Variants in GMDS observed in about 807,000 individuals in gnomAD.
The protein encoded by GMDS is GDP-mannose 4,6 dehydratase.
Under a neutral mutation model 49.9 loss-of-function variants are expected in GMDS, and 20 were observed. That is an observed-to-expected ratio of 0.40 (90% CI 0.28 to 0.58). GMDS has a LOEUF of 0.58. Among genes scored for constraint, GMDS ranks in the 20% least tolerant of loss-of-function variants. The pLI is 0.42. For missense variants in GMDS, 362 were observed against 481.4 expected, an observed-to-expected ratio of 0.75 and a Z score of 2.32; for synonymous variants, 177 against 178.6, an observed-to-expected ratio of 0.99 and a Z score of 0.07.
chr6:1,859,486 A>G (rs773872368), intron 7 of GMDS, among the ~76,000 whole-genome samples: 27 of 152,348 alleles, frequency 1.8e-4, no homozygotes, highest in Middle Eastern at 6.8e-3. Context: ...GTGCAATGAA[A>G]TGAATCCAAT....
chr6:2,209,855 G>A (rs968565270), intron 1 of GMDS, among the ~76,000 whole-genome samples: 2 of 151,986 alleles, frequency 1.3e-5, no homozygotes, highest in South Asian at 2.1e-4. Context: ...TAAACCAAGA[G>A]GCTAACAGAG....
chr6:2,189,397 AG>A (rs940683407), intron 1 of GMDS, among the ~76,000 whole-genome samples: 1 of 152,198 alleles, frequency 6.6e-6, no homozygotes, highest in Admixed American at 6.5e-5. Flanking sequence ...CTGGAGATGC[AG>A]GAGAATCTTA....
intron 1 of GMDS, among the ~76,000 whole-genome samples, chr6:2,137,520 G>T (rs1387395873): frequency 6.6e-6 from 1 of 152,018 alleles, no homozygotes; most frequent in Non-Finnish European, 1.5e-5. Flanking sequence ...TTTTAGTAGA[G>T]ACAGGGTTTC....
intron 1 of GMDS, among the ~76,000 whole-genome samples, chr6:2,155,323 T>C (rs1431934281): frequency 6.6e-6 from 1 of 152,132 alleles, no homozygotes; most frequent in African/African-American, 2.4e-5. Context: ...AAAAAGACTA[T>C]GATTTTTCCC....
chr6:2,065,364 G>A (rs372866278), intron 4 of GMDS, among the ~76,000 whole-genome samples: 15 of 152,180 alleles, frequency 9.9e-5, no homozygotes, highest in East Asian at 5.8e-4. Context: ...AAAGCAGAGC[G>A]CCTCTCCTCC....
At chr6:2,123,109 G>A (rs534303405) in intron 2 of GMDS, among the ~76,000 whole-genome samples, 1 of 152,162 alleles carries the variant, frequency 6.6e-6, no homozygotes, top group Non-Finnish European at 1.5e-5. Flanking sequence ...CCTAAATGGA[G>A]ATCTGCTTCT....
chr6:1,769,709 ATT>A (rs61503342), intron 7 of GMDS, among the ~76,000 whole-genome samples: 5 of 149,262 alleles, frequency 3.3e-5, no homozygotes, highest in Non-Finnish European at 4.5e-5. Context: ...TTTATTTTTT[ATT>A]TTTTTTTTTG....
chr6:1,912,010 G>A (rs1226305022), intron 7 of GMDS, among the ~76,000 whole-genome samples: 3 of 152,012 alleles, frequency 2.0e-5, no homozygotes. Flanking sequence ...TTCAAACTAA[G>A]GAGAAGAATA....
At chr6:1,773,896 T>C (rs1437556349) in intron 7 of GMDS, among the ~76,000 whole-genome samples, 1 of 152,228 alleles carries the variant, frequency 6.6e-6, no homozygotes, top group East Asian at 1.9e-4. Context: ...ACTTCAAACA[T>C]TTACTATTGG....
At chr6:1,785,062 G>A (rs944712155) in intron 7 of GMDS, among the ~76,000 whole-genome samples, 4 of 152,138 alleles carry the variant, frequency 2.6e-5, no homozygotes, top group African/African-American at 9.7e-5. Context: ...TAGTCTAACA[G>A]GGCAAGAATC....
chr6:1,753,316 G>A (rs1171833623), intron 7 of GMDS, among the ~76,000 whole-genome samples: 1 of 152,172 alleles, frequency 6.6e-6, no homozygotes, highest in Non-Finnish European at 1.5e-5. Flanking sequence ...TAATGGTAAA[G>A]GGATCAATGC....
intron 7 of GMDS, among the ~76,000 whole-genome samples, chr6:1,898,274 C>A (rs1180963401): frequency 6.6e-6 from 1 of 152,236 alleles, no homozygotes; most frequent in Non-Finnish European, 1.5e-5. Context: ...ATAAAACTTA[C>A]TAAATTTTGC....
chr6:1,697,936 C>A (rs1366677113), intron 9 of GMDS, among the ~76,000 whole-genome samples: 2 of 152,190 alleles, frequency 1.3e-5, no homozygotes, highest in Admixed American at 1.3e-4. Flanking sequence ...AGTATGGCTG[C>A]GGACGATCAA....
chr6:1,960,762 G>C lies in GMDS; in HGVS notation c.538+12C>G, dbSNP rs777120989. 7 of 1,542,488 alleles carry C rather than the reference G, an allele frequency of 4.5e-6. No homozygotes were observed. Among genetic ancestry groups the C allele is most frequent in the Non-Finnish European group, 6.2e-6 (7 of 1,124,874 alleles). ...GCCACACATGTGCTCCGGTGTGCACGCATGTTCTCACCATAGGGTGACCGG... is the reference window on the plus strand; with the variant it reads ...GCCACACATGTGCTCCGGTGTGCACCCATGTTCTCACCATAGGGTGACCGG... On this transcript the variant is annotated intron_variant, in intron 5 of 10. Transcript: ENST00000380815.
chr6:1,749,306 G>A (rs950529600), intron 7 of GMDS, among the ~76,000 whole-genome samples: 1 of 152,190 alleles, frequency 6.6e-6, no homozygotes, highest in African/African-American at 2.4e-5. Context: ...ATTGGCTTCT[G>A]GCTGGTTGTA....
intron 4 of GMDS, among the ~76,000 whole-genome samples, chr6:1,980,310 A>G (rs1765148751): frequency 6.6e-6 from 1 of 152,236 alleles, no homozygotes; most frequent in African/African-American, 2.4e-5. Context: ...TCTCACATGC[A>G]AGGACACACA....
Position 2,245,474 on chromosome 6 carries a change from G to C in GMDS, c.-52C>G. The stretch of plus-strand genomic sequence containing the variant: ...GCAGGGCGGAGCGCGGCAGAGGGCA[G>C]GCGCGGTGCCGGCAGGAACGCGGGG... On this transcript the variant is annotated 5_prime_UTR_variant, in exon 1 of 11. Transcript: ENST00000380815. 1.8e-6 allele frequency: 2 copies of C among 1,082,236 alleles called. No homozygotes were observed. 67.0% of individuals were successfully genotyped at this position (1,082,236 alleles called of 1,614,324 possible).
intron 4 of GMDS, among the ~76,000 whole-genome samples, chr6:2,070,198 C>CAT (rs1451450612): frequency 2.7e-5 from 4 of 147,432 alleles, no homozygotes; most frequent in Non-Finnish European, 5.9e-5. Flanking sequence ...TATTCTCACT[C>CAT]ATAGGTGGCA....
intron 1 of GMDS, among the ~76,000 whole-genome samples, chr6:2,200,452 A>G: frequency 6.6e-6 from 1 of 151,156 alleles, no homozygotes; most frequent in Admixed American, 6.6e-5. Flanking sequence ...TGAGGGCAGC[A>G]TGTTAGCAGA....
Sources: gnomAD v4.1 joint callset for allele counts (sites outside exome capture counted in the v4.1 genomes callset) on GRCh38, gnomAD v4.1.1 for gene constraint, MANE v1.5 for transcripts, NCBI Gene and HGNC (gene_info 2026-07-23, HGNC 2026-07-21) for gene names.